The following TENM2 variants were observed in gnomAD, a reference collection of about 807,000 sequenced individuals.
The protein encoded by TENM2 is teneurin transmembrane protein 2, also known as teneurin-2.
A neutral mutation model predicts 245.2 loss-of-function variants in TENM2; 52 were observed. The observed-to-expected ratio is 0.21, with a 90% CI of 0.17 to 0.27. The LOEUF (loss-of-function observed/expected upper bound fraction) is 0.27. TENM2 is among the 10% of genes least tolerant of loss of function. The pLI, the probability that TENM2 is intolerant of heterozygous loss-of-function variation, is 1.00. For synonymous variants in TENM2, 1,363 were observed against 1,438.9 expected (o/e 0.95, Z 1.19); for missense variants, 3,046 against 3,666.8 (o/e 0.83, Z 4.37).
chr5:167,810,964 A>T lies in TENM2; in HGVS notation c.503-65022A>T, dbSNP rs541312063. Among the ~76,000 whole-genome samples, 33 of 152,294 alleles carry T rather than the reference A, an allele frequency of 2.2e-4. No homozygotes were observed. The South Asian group carries it at 6.8e-3, about 32-fold the overall frequency. On this transcript the variant is annotated intron_variant, in intron 2 of 28. Coordinates refer to ENST00000518659, the Ensembl canonical transcript of TENM2. Reference sequence around the variant, plus strand: ...TTCCTGAGATTTGTGGCTTCTGGATATCACCCTGGTACATAATGCAACCAG... The same window carrying T: ...TTCCTGAGATTTGTGGCTTCTGGATTTCACCCTGGTACATAATGCAACCAG...
At chr5:167,911,912 T>G (rs1245930192) in intron 3 of TENM2, among the ~76,000 whole-genome samples, 1 of 152,216 alleles carries the variant, frequency 6.6e-6, no homozygotes, top group East Asian at 1.9e-4. Flanking sequence ...AGCATGATAT[T>G]CTGTTATATG....
intron 2 of TENM2, among the ~76,000 whole-genome samples, chr5:167,628,269 T>C (rs944487932): frequency 5.3e-5 from 8 of 152,188 alleles, no homozygotes; most frequent in Non-Finnish European, 7.3e-5. Context: ...GTTCCTGTTA[T>C]GTGGATCATT....
At chr5:167,266,450 C>A in the TENM2 span, among the ~76,000 whole-genome samples, 1 of 151,960 alleles carries the variant, frequency 6.6e-6, no homozygotes, top group Non-Finnish European at 1.5e-5. Context: ...TTCTTAAAAT[C>A]TGAGTTCTGT....
chr5:167,841,602 T>C (rs1769524373), intron 2 of TENM2, among the ~76,000 whole-genome samples: 1 of 152,232 alleles, frequency 6.6e-6, no homozygotes, highest in African/African-American at 2.4e-5. Flanking sequence ...TCAGTGTGTC[T>C]TTCCTAAGAA....
the TENM2 span, among the ~76,000 whole-genome samples, chr5:167,187,980 T>G: frequency 6.6e-6 from 1 of 152,148 alleles, no homozygotes; most frequent in Non-Finnish European, 1.5e-5. Context: ...GGAGTTGTTA[T>G]TAGAGTGTTA....
the TENM2 span, among the ~76,000 whole-genome samples, chr5:167,062,907 G>A: frequency 6.6e-6 from 1 of 152,238 alleles, no homozygotes; most frequent in Non-Finnish European, 1.5e-5. Context: ...ATTAGTACAG[G>A]AAGGATACAG....
intron 27 of TENM2, among the ~76,000 whole-genome samples, chr5:168,254,627 T>C (rs1242021292): frequency 1.3e-5 from 2 of 152,162 alleles, no homozygotes; most frequent in African/African-American, 2.4e-5. Flanking sequence ...GGAATGGCCA[T>C]TGAAATTCCT....
intron 12 of TENM2, among the ~76,000 whole-genome samples, chr5:168,138,027 C>G (rs183800335): frequency 6.7e-6 from 1 of 149,922 alleles, no homozygotes; most frequent in African/African-American, 2.4e-5. Flanking sequence ...TCATCTCCCA[C>G]GTTATGTTTA....
chr5:167,549,809 C>T (rs1190702120), intron 2 of TENM2, among the ~76,000 whole-genome samples: 3 of 151,874 alleles, frequency 2.0e-5, no homozygotes, highest in Non-Finnish European at 4.4e-5. Context: ...TCAACTAAAA[C>T]GTTGCTGTGA....
chr5:167,533,008 A>G (rs980960658), intron 2 of TENM2, among the ~76,000 whole-genome samples: 1 of 152,136 alleles, frequency 6.6e-6, no homozygotes, highest in Non-Finnish European at 1.5e-5. Flanking sequence ...GAACTTTCAG[A>G]TCTTCCTCCT....
chr5:167,511,256 G>T (rs1335924078), intron 2 of TENM2, among the ~76,000 whole-genome samples: 1 of 152,112 alleles, frequency 6.6e-6, no homozygotes, highest in Non-Finnish European at 1.5e-5. Flanking sequence ...TGGGAAATCA[G>T]AGTAAAAGAA....
At chr5:167,416,577 G>C (rs1445691036) in intron 2 of TENM2, among the ~76,000 whole-genome samples, 1 of 152,150 alleles carries the variant, frequency 6.6e-6, no homozygotes, top group Admixed American at 6.6e-5. Context: ...GCAAATATTG[G>C]CACGACACCA....
the TENM2 span, among the ~76,000 whole-genome samples, chr5:167,123,170 C>T: frequency 6.6e-6 from 1 of 151,096 alleles, no homozygotes; most frequent in African/African-American, 2.4e-5. Context: ...ATTAGCCAGG[C>T]GTGGTGCCAG....
chr5:168,139,427 T>A, intron 12 of TENM2: 1 of 455,228 alleles, frequency 2.2e-6, no homozygotes, highest in South Asian at 1.6e-5. Context: ...TAATCTAATT[T>A]AGTTAGATTA....
the TENM2 span, among the ~76,000 whole-genome samples, chr5:166,983,787 C>A: frequency 2.0e-4 from 30 of 152,156 alleles, no homozygotes; most frequent in African/African-American, 7.0e-4. Flanking sequence ...CTTCTCAGGA[C>A]TTGACAGCAA....
chr5:167,816,355 CCTT>C (rs1767056447), intron 2 of TENM2, among the ~76,000 whole-genome samples: 3 of 152,126 alleles, frequency 2.0e-5, no homozygotes, highest in Admixed American at 6.5e-5. Context: ...TATGAGCCCT[CCTT>C]CTAAAGACCT....
chr5:167,091,855 A>G, the TENM2 span, among the ~76,000 whole-genome samples: 2 of 152,212 alleles, frequency 1.3e-5, no homozygotes, highest in Non-Finnish European at 2.9e-5. Context: ...ACTTTTTATC[A>G]AAAGTTTAAA....
At chr5:167,873,215 A>T (rs1199212878) in intron 2 of TENM2, among the ~76,000 whole-genome samples, 1 of 152,176 alleles carries the variant, frequency 6.6e-6, no homozygotes, top group Non-Finnish European at 1.5e-5. Flanking sequence ...TACAAGAAAA[A>T]CTTTGAACTC....
At chr5:167,433,657 A>G (rs1370548895) in intron 2 of TENM2, among the ~76,000 whole-genome samples, 2 of 152,094 alleles carry the variant, frequency 1.3e-5, no homozygotes, top group Non-Finnish European at 2.9e-5. Context: ...TACTATTGGT[A>G]TCGTCCTATC....
Sources: allele counts gnomAD v4.1 joint callset (sites outside exome capture counted in the v4.1 genomes callset), GRCh38; gene constraint gnomAD v4.1.1; transcripts MANE v1.5; gene names NCBI Gene and HGNC (gene_info 2026-07-23, HGNC 2026-07-21).